Variants in SFMBT2 observed in about 807,000 individuals in gnomAD.
The protein encoded by SFMBT2 is Scm like with four mbt domains 2.
In SFMBT2, 38 loss-of-function variants were observed where a neutral mutation model predicts 110.1. The observed-to-expected ratio is 0.35, with a 90% CI of 0.27 to 0.45. SFMBT2 has a LOEUF of 0.45. SFMBT2 is among the 20% of genes least tolerant of loss of function. The pLI is 1.00. For missense variants in SFMBT2, 1,011 were observed against 1,094.9 expected (o/e 0.92, Z 1.08); for synonymous variants, 425 against 425.4 (o/e 1.00, Z 0.01).
At chr10:7,334,196 G>A (rs886825533) in intron 4 of SFMBT2, among the ~76,000 whole-genome samples, 1 of 152,150 alleles carries the variant, frequency 6.6e-6, no homozygotes, top group East Asian at 1.9e-4. Context: ...CGGCCTGGCC[G>A]CTGACAGCCA....
At chr10:7,231,057 T>C (rs1840101506) in intron 9 of SFMBT2, among the ~76,000 whole-genome samples, 1 of 148,748 alleles carries the variant, frequency 6.7e-6, no homozygotes, top group African/African-American at 2.6e-5. Flanking sequence ...CTACTAAGGA[T>C]TTTTTTCCCC....
chr10:7,260,887 T>C (rs1026948767), intron 7 of SFMBT2, among the ~76,000 whole-genome samples: 2 of 152,124 alleles, frequency 1.3e-5, no homozygotes, highest in Admixed American at 6.5e-5. Context: ...TCAGAATTCA[T>C]TTTCTGGTTC....
At chr10:7,276,185 G>A (rs190676173) in intron 7 of SFMBT2, among the ~76,000 whole-genome samples, 3 of 152,304 alleles carry the variant, frequency 2.0e-5, no homozygotes. Flanking sequence ...TTTCACGGGA[G>A]CACCTGGTGG....
At chr10:7,326,264 T>G (rs1843381298) in intron 4 of SFMBT2, among the ~76,000 whole-genome samples, 1 of 152,214 alleles carries the variant, frequency 6.6e-6, no homozygotes, top group Non-Finnish European at 1.5e-5. Context: ...GGTTCCAAGC[T>G]CCATTCACTG....
intron 7 of SFMBT2, among the ~76,000 whole-genome samples, chr10:7,264,883 G>C (rs1841330746): frequency 6.7e-6 from 1 of 149,196 alleles, no homozygotes; most frequent in Non-Finnish European, 1.5e-5. Flanking sequence ...GTATACAGTA[G>C]CAGGTTAGTG....
At chr10:7,303,517 C>T (rs567063590) in intron 4 of SFMBT2, among the ~76,000 whole-genome samples, 10 of 151,872 alleles carry the variant, frequency 6.6e-5, no homozygotes, top group African/African-American at 2.2e-4. Flanking sequence ...GACAGAGAGA[C>T]AGAAAAAGAG....
At chr10:7,310,000 G>A (rs1444605463) in intron 4 of SFMBT2, among the ~76,000 whole-genome samples, 1 of 152,146 alleles carries the variant, frequency 6.6e-6, no homozygotes, top group Non-Finnish European at 1.5e-5. Flanking sequence ...GCTGTATTCT[G>A]CAGATGTTTA....
intron 4 of SFMBT2, among the ~76,000 whole-genome samples, chr10:7,294,066 G>A (rs1842334745): frequency 6.6e-6 from 1 of 152,228 alleles, no homozygotes; most frequent in South Asian, 2.1e-4. Context: ...ACAGAGCCCA[G>A]CTGGAGGTAC....
intron 17 of SFMBT2, among the ~76,000 whole-genome samples, chr10:7,175,262 G>A (rs757005728): frequency 6.6e-6 from 1 of 152,250 alleles, no homozygotes; most frequent in Admixed American, 6.5e-5. Context: ...GGCACAGGAG[G>A]TGGAGGTGTC....
chr10:7,342,794 A>G (rs1322299776), intron 4 of SFMBT2, among the ~76,000 whole-genome samples: 1 of 152,200 alleles, frequency 6.6e-6, no homozygotes, highest in Non-Finnish European at 1.5e-5. Flanking sequence ...GTTTTACCCA[A>G]AACTATCAGG....
chr10:7,365,386 G>A (rs927501777), intron 4 of SFMBT2, among the ~76,000 whole-genome samples: 3 of 152,138 alleles, frequency 2.0e-5, no homozygotes, highest in Non-Finnish European at 2.9e-5. Context: ...CATGTAAGCC[G>A]CACTTTTACC....
chr10:7,186,778 C>A (rs751037367), intron 16 of SFMBT2, among the ~76,000 whole-genome samples: 7 of 152,158 alleles, frequency 4.6e-5, no homozygotes, highest in South Asian at 2.1e-4. Context: ...CATTTCACAT[C>A]AGAAGGGAAG....
chr10:7,407,943 G>C (rs1846262354), intron 1 of SFMBT2, among the ~76,000 whole-genome samples: 1 of 152,214 alleles, frequency 6.6e-6, no homozygotes, highest in Admixed American at 6.5e-5. Context: ...AGCGGTGGTC[G>C]GCCGGGCTCC....
At chr10:7,184,397 T>G (rs1015657848) in intron 16 of SFMBT2, among the ~76,000 whole-genome samples, 1 of 152,088 alleles carries the variant, frequency 6.6e-6, no homozygotes, top group East Asian at 1.9e-4. Flanking sequence ...TCTCTTCTCT[T>G]GTCTGCCACC....
rs1564360173 is a variant in SFMBT2, at chr10:7,162,485, C to G, written c.*1285G>C. 1 of 152,248 alleles carries G rather than the reference C, an allele frequency of 6.6e-6. No homozygotes were observed. The highest frequency in any genetic ancestry group is 1.5e-5 in the Non-Finnish European group (1 of 68,094). The allele number at this position is 152,248 out of a possible 1,614,324, so 9.4% of individuals were successfully genotyped here. On this transcript the variant is annotated 3_prime_UTR_variant, in exon 21 of 21. Coordinates refer to ENST00000397167, the MANE Select transcript of SFMBT2 (RefSeq NM_001387889.1). ...AGTGGCTGACTCCAGATTCACTGCTCCTGCTGCATCATGCCTGGTTCATAT... is the reference window on the plus strand; with the variant it reads ...AGTGGCTGACTCCAGATTCACTGCTGCTGCTGCATCATGCCTGGTTCATAT...
intron 11 of SFMBT2, among the ~76,000 whole-genome samples, chr10:7,207,385 A>AAGG (rs1564383189): frequency 6.8e-5 from 10 of 147,062 alleles, no homozygotes; most frequent in African/African-American, 2.3e-4. Context: ...AGGAAGGAAG[A>AAGG]AAGAAAGAAA....
rs761701533 is a variant in SFMBT2 at position 7,301,746 on chromosome 10, C to T, written c.437-15792G>A. Among the ~76,000 whole-genome samples, 29 of 152,158 alleles carry T rather than the reference C, an allele frequency of 1.9e-4. No homozygotes were observed. The highest frequency in any genetic ancestry group is 6.5e-5 in the Admixed American group (1 of 15,270). Reference sequence around the variant, plus strand: ...CAGAAGTCACCTAGTATGAGAGCCACGCCTCTCTACAGATGCTAGGAGTCC... The same window carrying T: ...CAGAAGTCACCTAGTATGAGAGCCATGCCTCTCTACAGATGCTAGGAGTCC... On this transcript the variant is annotated intron_variant, in intron 4 of 20. Transcript: ENST00000397167. The surrounding 1 kb of genome is among the most constrained non-coding windows in gnomAD (Gnocchi z 4.2).
intron 1 of SFMBT2, among the ~76,000 whole-genome samples, chr10:7,401,498 C>A (rs1021694800): frequency 2.6e-5 from 4 of 152,332 alleles, no homozygotes; most frequent in African/African-American, 9.6e-5. Flanking sequence ...AGTATCTCCA[C>A]AGGCAGATAA....
At chr10:7,395,188 G>A (rs539200742) in intron 1 of SFMBT2, among the ~76,000 whole-genome samples, 10 of 152,250 alleles carry the variant, frequency 6.6e-5, no homozygotes, top group South Asian at 4.1e-4. Flanking sequence ...GCGTGGTGGC[G>A]CGCACCTGTA....
Sources: allele counts gnomAD v4.1 joint callset (sites outside exome capture counted in the v4.1 genomes callset), GRCh38; gene constraint gnomAD v4.1.1; non-coding constraint Gnocchi (gnomAD v3.1); transcripts MANE v1.5; gene names NCBI Gene and HGNC (gene_info 2026-07-23, HGNC 2026-07-21).